The following MLIP variants were observed in gnomAD, a reference collection of about 807,000 sequenced individuals.
MLIP encodes muscular LMNA interacting protein.
MLIP carries 79 observed loss-of-function variants against 84.8 expected under a neutral mutation model. That is an observed-to-expected ratio of 0.93 (90% CI 0.78 to 1.12). The LOEUF (loss-of-function observed/expected upper bound fraction) is 1.12. Ranked by LOEUF, MLIP falls within the 50% of genes most tolerant of loss-of-function variation. The probability of loss-of-function intolerance (pLI) is 0.00; values close to 1 mark genes in which losing one functional copy is unlikely to be tolerated. For missense variants in MLIP, 1,257 were observed against 1,160.6 expected, an observed-to-expected ratio of 1.08 and a Z score of -1.21; for synonymous variants, 504 against 463.0, an observed-to-expected ratio of 1.09 and a Z score of -1.14.
At chr6:54,096,775 A>C (rs1768245069) in intron 1 of MLIP, among the ~76,000 whole-genome samples, 1 of 152,214 alleles carries the variant, frequency 6.6e-6, no homozygotes, top group South Asian at 2.1e-4. Context: ...CAGATAATCC[A>C]ACCTGCAACA....
intron 10 of MLIP, among the ~76,000 whole-genome samples, chr6:54,196,549 T>C (rs965184867): frequency 3.9e-5 from 6 of 152,138 alleles, no homozygotes; most frequent in African/African-American, 1.2e-4. Flanking sequence ...TATTCCATGG[T>C]GTATATGTAC....
intron 1 of MLIP, among the ~76,000 whole-genome samples, chr6:54,097,921 T>C (rs891638413): frequency 6.6e-6 from 1 of 152,116 alleles, no homozygotes; most frequent in African/African-American, 2.4e-5. Flanking sequence ...ATCCGATGAC[T>C]TGCACCATGG....
At chr6:54,232,779 C>T (rs1395767114) in intron 12 of MLIP, among the ~76,000 whole-genome samples, 2 of 152,204 alleles carry the variant, frequency 1.3e-5, no homozygotes, top group African/African-American at 4.8e-5. Flanking sequence ...TAACATGATT[C>T]CCAAGTCTGA....
intron 3 of MLIP, among the ~76,000 whole-genome samples, chr6:54,131,653 G>C (rs897255837): frequency 3.9e-5 from 6 of 152,264 alleles, no homozygotes; most frequent in African/African-American, 1.4e-4. Context: ...ATATTGTACA[G>C]ACTTGACTGA....
chr6:54,218,429 T>G (rs145855702), intron 11 of MLIP, among the ~76,000 whole-genome samples: 85 of 152,240 alleles, frequency 5.6e-4, no homozygotes, highest in African/African-American at 1.8e-3. Context: ...TTGCTCTGGG[T>G]GAATCAGTGA....
chr6:54,166,211 G>A (rs1158532393), intron 8 of MLIP, among the ~76,000 whole-genome samples: 2 of 151,920 alleles, frequency 1.3e-5, no homozygotes, highest in East Asian at 1.9e-4. Context: ...TTTGGTGGAA[G>A]AGAAATAATT....
At chr6:54,198,018 C>T (rs1778418434) in intron 10 of MLIP, among the ~76,000 whole-genome samples, 1 of 152,074 alleles carries the variant, frequency 6.6e-6, no homozygotes, top group Non-Finnish European at 1.5e-5. Flanking sequence ...TTTAAAGCCT[C>T]TCCTTCAGTC....
intron 11 of MLIP, among the ~76,000 whole-genome samples, chr6:54,205,850 ATCT>A (rs1562055706): frequency 6.6e-6 from 1 of 152,204 alleles, no homozygotes. Flanking sequence ...TTAATAATTA[ATCT>A]TCACTCGTTA....
intron 10 of MLIP, among the ~76,000 whole-genome samples, chr6:54,191,538 C>T (rs1355690821): frequency 6.6e-6 from 1 of 152,086 alleles, no homozygotes; most frequent in African/African-American, 2.4e-5. Context: ...CCTTATACTT[C>T]CTGCTCTGAC....
At chr6:54,106,656 A>G (rs1487106519), upstream of MLIP, among the ~76,000 whole-genome samples, 1 of 152,234 alleles carries the variant, frequency 6.6e-6, no homozygotes, top group Non-Finnish European at 1.5e-5. Context: ...AGCCTAAGCA[A>G]CTAGAAATAG....
Position 54,200,463 on chromosome 6 carries a change from G to A in MLIP, c.2590-1642G>A, listed in dbSNP as rs118016521. ...AGAAGGAGAAAGTGCAGGAAGTGCAGGAATAGGAGAAGAAGAAAGAAGAAA... is the reference window on the plus strand; with the variant it reads ...AGAAGGAGAAAGTGCAGGAAGTGCAAGAATAGGAGAAGAAGAAAGAAGAAA... On this transcript the variant is annotated intron_variant, in intron 10 of 13. Coordinates refer to ENST00000502396, the MANE Select transcript of MLIP (RefSeq NM_001281747.2). Among the ~76,000 whole-genome samples, 3 of 152,076 alleles carry A rather than the reference G, an allele frequency of 2.0e-5. No individual in the cohort carries two copies. In the East Asian group the frequency reaches 5.8e-4, roughly 29 times the overall value.
intron 9 of MLIP, among the ~76,000 whole-genome samples, chr6:54,175,625 G>T (rs1174871660): frequency 6.6e-6 from 1 of 151,820 alleles, no homozygotes; most frequent in Non-Finnish European, 1.5e-5. Context: ...TGAATTCATT[G>T]TTCAGTTCTA....
At chr6:54,209,894 T>C (rs1416007760) in intron 11 of MLIP, among the ~76,000 whole-genome samples, 1 of 150,096 alleles carries the variant, frequency 6.7e-6, no homozygotes, top group Non-Finnish European at 1.5e-5. Context: ...ATTGTCCTTT[T>C]TTCTTTCTTT....
intron 5 of MLIP, among the ~76,000 whole-genome samples, chr6:54,153,680 T>C (rs1773705764): frequency 6.6e-6 from 1 of 151,782 alleles, no homozygotes. Context: ...AAACCCTGTT[T>C]CTACTGATAA....
rs189877682 is a variant in MLIP, at chr6:54,133,131, C to T, written c.646-3584C>T. ...GGATGAGGGGTGTGAGACTGGATAG[C>T]AAGAGAGGGGCTTCGTCATGAAGGA... On this transcript the variant is annotated intron_variant, in intron 3 of 13. Transcript: ENST00000502396. 2.7e-4 allele frequency among the ~76,000 whole-genome samples: 41 copies of T among 152,132 alleles called. 1 individual carries two copies. Among genetic ancestry groups the T allele is most frequent in the African/African-American group, 8.9e-4 (37 of 41,504 alleles).
intron 8 of MLIP, among the ~76,000 whole-genome samples, chr6:54,165,050 T>C (rs904299477): frequency 6.6e-6 from 1 of 151,996 alleles, no homozygotes; most frequent in African/African-American, 2.4e-5. Context: ...TATGTTTCCA[T>C]GGAAACTCAA....
In MLIP at chr6:54,153,303, A is replaced by G. The variant is rs1773654235; in HGVS notation, c.2289+4176A>G. Among the ~76,000 whole-genome samples, 3 of 152,084 alleles carry G rather than the reference A, an allele frequency of 2.0e-5. 1 individual carries two copies. In the South Asian group the frequency reaches 6.2e-4, roughly 32 times the overall value. On this transcript the variant is annotated intron_variant, in intron 5 of 13. Coordinates refer to ENST00000502396, the MANE Select transcript of MLIP (RefSeq NM_001281747.2). ...TTTTGATATATCCTGTCAACTGTCAAGTCTATTTATTCTAAGTTGCCTCTT... is the reference window on the plus strand; with the variant it reads ...TTTTGATATATCCTGTCAACTGTCAGGTCTATTTATTCTAAGTTGCCTCTT...
At chr6:54,166,465 C>T (rs1298468243) in intron 8 of MLIP, among the ~76,000 whole-genome samples, 1 of 151,852 alleles carries the variant, frequency 6.6e-6, no homozygotes, top group Non-Finnish European at 1.5e-5. Context: ...AAACCCAGTC[C>T]TGAGTTGAGA....
At chr6:54,186,981 A>G (rs907101299) in intron 9 of MLIP, among the ~76,000 whole-genome samples, 1 of 152,178 alleles carries the variant, frequency 6.6e-6, no homozygotes, top group Admixed American at 6.5e-5. Flanking sequence ...TAATTCTATA[A>G]CCTACAAGGC....
Sources: gnomAD v4.1 joint callset for allele counts (sites outside exome capture counted in the v4.1 genomes callset) on GRCh38, gnomAD v4.1.1 for gene constraint, MANE v1.5 for transcripts, NCBI Gene and HGNC (gene_info 2026-07-23, HGNC 2026-07-21) for gene names.